Variants in ADAM12 observed in about 807,000 individuals in gnomAD.
The protein encoded by ADAM12 is ADAM metallopeptidase domain 12.
Under a neutral mutation model 106.4 loss-of-function variants are expected in ADAM12, and 70 were observed. That is an observed-to-expected ratio of 0.66 (90% CI 0.54 to 0.80). ADAM12 has a LOEUF of 0.80. ADAM12 is among the 30% of genes least tolerant of loss of function. The probability of loss-of-function intolerance (pLI) is 0.00; values close to 1 mark genes in which losing one functional copy is unlikely to be tolerated. For missense variants in ADAM12, 1,010 were observed against 1,171.9 expected (o/e 0.86, Z 2.02); for synonymous variants, 420 against 433.5 (o/e 0.97, Z 0.39).
chr10:126,180,922 C>T (rs1053880632), intron 3 of ADAM12, among the ~76,000 whole-genome samples: 1 of 152,176 alleles, frequency 6.6e-6, no homozygotes, highest in East Asian at 1.9e-4. Flanking sequence ...GGAAGAAGTA[C>T]AAGTCTGAAG....
intron 3 of ADAM12, among the ~76,000 whole-genome samples, chr10:126,238,410 C>A (rs879420898): frequency 2.0e-5 from 3 of 152,072 alleles, no homozygotes; most frequent in Non-Finnish European, 4.4e-5. Context: ...ACCCAGGAGG[C>A]GGAGATTGCA....
At chr10:126,321,752 TG>T (rs1466146828) in intron 2 of ADAM12, among the ~76,000 whole-genome samples, 1 of 152,132 alleles carries the variant, frequency 6.6e-6, no homozygotes, top group Non-Finnish European at 1.5e-5. Flanking sequence ...GGAGTCAAGA[TG>T]TATGAAGCAG....
intron 12 of ADAM12, among the ~76,000 whole-genome samples, chr10:126,068,594 G>T (rs1464858058): frequency 1.3e-5 from 2 of 152,228 alleles, no homozygotes; most frequent in Non-Finnish European, 2.9e-5. Context: ...TGAGTGAGTT[G>T]TCAGGATTTC....
intron 3 of ADAM12, among the ~76,000 whole-genome samples, chr10:126,158,501 A>AGAGGATGCACAGAGCACGGG (rs1407793317): frequency 9.2e-5 from 9 of 98,190 alleles, no homozygotes; most frequent in African/African-American, 3.7e-4. Flanking sequence ...GAGCACGGAG[A>AGAGGATGCACAGAGCACGGG]GAGGATGCAC....
In ADAM12 at chr10:126,064,982, G is replaced by A. The variant is rs143318502; in HGVS notation, c.1433C>T (p.Ala478Val). 8.1e-5 allele frequency: 130 copies of A among 1,611,480 alleles called. 2 individuals are homozygous for A. In the African/African-American group the frequency reaches 1.3e-3, roughly 16 times the overall value. ...EDCQLKPAGT[A>V]CRDSSNSCDL... ...ACAGGAGTTGCTGGAGTCCCTGCAC[G>A]CTGTTCCTGCAGGCTTCAGCTGGAA... The change falls in exon 14 of 23, where the codon GCG becomes GTG. Residue 478 changes from alanine to valine, a missense_variant. Ala to Val is a moderately conservative substitution (Grantham distance 64). Around this residue, in one of 3 missense-constraint regions of ADAM12, gnomAD observed 615 missense variants for 708.5 expected, o/e 0.87. Transcript: ENST00000448723. The surrounding 1 kb of genome is among the most constrained non-coding windows in gnomAD (Gnocchi z 4.4).
At chr10:126,244,896 C>T (rs1483178970) in intron 3 of ADAM12, among the ~76,000 whole-genome samples, 1 of 152,124 alleles carries the variant, frequency 6.6e-6, no homozygotes, top group Non-Finnish European at 1.5e-5. Flanking sequence ...AGTAGACATT[C>T]ACCAAGCAAA....
chr10:126,029,973 C>T (rs116614055), intron 21 of ADAM12, among the ~76,000 whole-genome samples: 1 of 152,148 alleles, frequency 6.6e-6, no homozygotes, highest in East Asian at 1.9e-4. Flanking sequence ...GACTTTTGCA[C>T]AGCAATTGTG....
intron 3 of ADAM12, among the ~76,000 whole-genome samples, chr10:126,228,634 T>G (rs1172197996): frequency 6.6e-6 from 1 of 152,194 alleles, no homozygotes. Context: ...ATAAGACAAT[T>G]TCCTACTAAA....
intron 3 of ADAM12, among the ~76,000 whole-genome samples, chr10:126,248,168 C>T (rs2133674018): frequency 6.6e-6 from 1 of 152,324 alleles, no homozygotes; most frequent in East Asian, 1.9e-4. Flanking sequence ...ACCCCCTATG[C>T]ATCACTGGGT....
At chr10:126,241,023 T>G (rs1445645137) in intron 3 of ADAM12, among the ~76,000 whole-genome samples, 1 of 152,206 alleles carries the variant, frequency 6.6e-6, no homozygotes, top group Non-Finnish European at 1.5e-5. Context: ...CTTAATGGAA[T>G]GTGTTCCAGC....
At chr10:126,085,956 T>C (rs1298111) in intron 11 of ADAM12, among the ~76,000 whole-genome samples, 106,387 of 151,584 alleles carry the variant, frequency 0.7, 37,834 homozygotes, top group East Asian at 0.82. Flanking sequence ...TCCTTTACCC[T>C]ACACTGTGGC....
intron 3 of ADAM12, among the ~76,000 whole-genome samples, chr10:126,242,043 T>C (rs1280554639): frequency 1.3e-5 from 2 of 152,080 alleles, no homozygotes; most frequent in African/African-American, 2.4e-5. Context: ...CCCCCCATTA[T>C]ATGAATCACT....
At chr10:126,268,711 C>T (rs11244928) in intron 3 of ADAM12, among the ~76,000 whole-genome samples, 6,464 of 152,220 alleles carry the variant, frequency 0.042, 228 homozygotes, top group African/African-American at 0.085. Context: ...ACAGACAGGG[C>T]TCAACTCCAC....
rs1954991428 is a variant in ADAM12 at position 126,071,553 on chromosome 10, C to T, written c.1247G>A (p.Arg416Lys). ...GVCLFNLPEV[R>K]ESFGGQKCGN... ...ACACTTCTGGCCCCCGAAAGACTCCCTGACTTCCGGCAGGTTAAACAGGCA... is the reference window on the plus strand; with the variant it reads ...ACACTTCTGGCCCCCGAAAGACTCCTTGACTTCCGGCAGGTTAAACAGGCA... The change falls in exon 12 of 23, where the codon AGG (arginine) becomes AAG (lysine). Residue 416 changes from arginine (R) to lysine (K), a missense_variant. By Grantham distance (26) the Arg-to-Lys change is conservative. This residue lies in a region of ADAM12 where 615 missense variants were observed against 708.5 expected (regional missense o/e 0.87). Transcript: ENST00000448723. 6.2e-7 allele frequency: 1 copy of T among 1,614,192 alleles called. No homozygotes were observed. The highest frequency in any genetic ancestry group is 8.5e-7 in the Non-Finnish European group (1 of 1,180,036).
intron 5 of ADAM12, among the ~76,000 whole-genome samples, chr10:126,124,895 C>CAAAAAAAAAAA (rs376810493): frequency 8.1e-5 from 7 of 85,966 alleles, no homozygotes; most frequent in Non-Finnish European, 1.1e-4. Context: ...GACACCGTCT[C>CAAAAAAAAAAA]AAAAAAAAAA....
At chr10:126,319,541 G>A (rs574804034) in intron 2 of ADAM12, among the ~76,000 whole-genome samples, 56 of 152,172 alleles carry the variant, frequency 3.7e-4, no homozygotes, top group African/African-American at 1.1e-3. Context: ...CCCCAAAACC[G>A]TCTAGGTCAT....
intron 3 of ADAM12, among the ~76,000 whole-genome samples, chr10:126,233,790 C>G (rs1318289969): frequency 6.6e-6 from 1 of 152,176 alleles, no homozygotes; most frequent in Non-Finnish European, 1.5e-5. Context: ...TGGAAATGCG[C>G]TTCTCTTACT....
chr10:126,293,617 C>G (rs945161602), intron 2 of ADAM12, among the ~76,000 whole-genome samples: 1 of 152,168 alleles, frequency 6.6e-6, no homozygotes, highest in African/African-American at 2.4e-5. Context: ...CTCCCAAGTT[C>G]AAGCAATTCT....
intron 8 of ADAM12, among the ~76,000 whole-genome samples, chr10:126,107,970 C>A (rs1017934676): frequency 6.6e-6 from 1 of 152,104 alleles, no homozygotes; most frequent in Admixed American, 6.5e-5. Context: ...GTGTGAGGAG[C>A]GGTTAGTGAA....
Sources: allele counts gnomAD v4.1 joint callset (sites outside exome capture counted in the v4.1 genomes callset), GRCh38; gene constraint gnomAD v4.1.1; regional missense constraint gnomAD v4.1.1; non-coding constraint Gnocchi (gnomAD v3.1); transcripts MANE v1.5; gene names NCBI Gene and HGNC (gene_info 2026-07-23, HGNC 2026-07-21).